SLC35F3: variants seen among roughly 807,000 people sequenced by gnomAD.
SLC35F3 encodes solute carrier family 35 member F3.
A neutral mutation model predicts 49.9 loss-of-function variants in SLC35F3; 25 were observed. The ratio of observed to expected loss-of-function variants is 0.50; its 90% CI spans 0.37 to 0.70. SLC35F3 has a LOEUF of 0.70. Ranked by LOEUF, SLC35F3 falls within the 30% of genes least tolerant of loss-of-function variation. The pLI is 0.00. For synonymous variants in SLC35F3, 275 were observed against 265.4 expected, an observed-to-expected ratio of 1.04 and a Z score of -0.35; for missense variants, 525 against 639.8, an observed-to-expected ratio of 0.82 and a Z score of 1.94.
chr1:233,993,048 T>TGCTC (rs1418676431), intron 2 of SLC35F3, among the ~76,000 whole-genome samples: 1 of 152,202 alleles, frequency 6.6e-6, no homozygotes, highest in Non-Finnish European at 1.5e-5. Flanking sequence ...ATGCTCCCTT[T>TGCTC]GCTCTTCATG....
chr1:234,163,913 C>G (rs1666270893), intron 2 of SLC35F3, among the ~76,000 whole-genome samples: 1 of 151,978 alleles, frequency 6.6e-6, no homozygotes, highest in South Asian at 2.1e-4. Flanking sequence ...AGAACTTATT[C>G]AGTAACTGTC....
chr1:234,193,417 A>C (rs553367659), intron 2 of SLC35F3, among the ~76,000 whole-genome samples: 2 of 152,272 alleles, frequency 1.3e-5, no homozygotes, highest in East Asian at 1.9e-4. Flanking sequence ...CTGAATCTTC[A>C]TCTCTCACCT....
At chr1:234,005,010 A>T (rs969525895) in intron 2 of SLC35F3, among the ~76,000 whole-genome samples, 1 of 152,212 alleles carries the variant, frequency 6.6e-6, no homozygotes, top group Non-Finnish European at 1.5e-5. Context: ...TAAGCAGGAA[A>T]TGAAAGAATT....
chr1:234,214,374 G>C lies in SLC35F3; in HGVS notation c.284-17043G>C. ...GCCGGGGAGGCCGGGACTGAGAGGG[G>C]CGAGCCGCTGGTGCTCCCCGGCGGC... On this transcript the variant is annotated intron_variant, in intron 2 of 7. Coordinates refer to ENST00000366618, the MANE Select transcript of SLC35F3 (RefSeq NM_173508.4). The surrounding 1 kb of genome is among the most constrained non-coding windows in gnomAD (Gnocchi z 8.0). 1 of 1,356,692 alleles carries C rather than the reference G, an allele frequency of 7.4e-7. No homozygotes were observed. The highest frequency in any genetic ancestry group is 1.9e-5 in the South Asian group (1 of 54,022). The allele number at this position is 1,356,692 out of a possible 1,614,324, so 84.0% of individuals were successfully genotyped here.
At chr1:234,011,566 C>G (rs1572018715) in intron 2 of SLC35F3, among the ~76,000 whole-genome samples, 1 of 152,132 alleles carries the variant, frequency 6.6e-6, no homozygotes, top group African/African-American at 2.4e-5. Context: ...CACACACACA[C>G]CCAGACTCAC....
chr1:234,032,627 G>A (rs1664081281), intron 2 of SLC35F3, among the ~76,000 whole-genome samples: 1 of 152,144 alleles, frequency 6.6e-6, no homozygotes, highest in Non-Finnish European at 1.5e-5. Context: ...CCATTCCTGG[G>A]TTACTTCACT....
chr1:234,238,128 A>G (rs762424178), intron 3 of SLC35F3, among the ~76,000 whole-genome samples: 2 of 152,224 alleles, frequency 1.3e-5, no homozygotes, highest in Non-Finnish European at 2.9e-5. Context: ...GAAAAAATTG[A>G]CAAAATATTG....
chr1:233,977,091 G>A (rs574752474), intron 2 of SLC35F3, among the ~76,000 whole-genome samples: 10 of 152,232 alleles, frequency 6.6e-5, no homozygotes, highest in South Asian at 4.1e-4. Context: ...GGGGCTCTGC[G>A]CATGCCCTTC....
chr1:233,967,976 C>T (rs1377014130), intron 2 of SLC35F3, among the ~76,000 whole-genome samples: 1 of 152,174 alleles, frequency 6.6e-6, no homozygotes, highest in Non-Finnish European at 1.5e-5. Flanking sequence ...CTGCCATAAA[C>T]CAAGTACCAC....
intron 2 of SLC35F3, among the ~76,000 whole-genome samples, chr1:234,210,349 G>A (rs978076634): frequency 5.3e-5 from 8 of 152,250 alleles, no homozygotes; most frequent in East Asian, 1.9e-4. Context: ...AAAGATACCC[G>A]AGAATATGGA....
At chr1:234,190,121 C>T (rs576058762) in intron 2 of SLC35F3, among the ~76,000 whole-genome samples, 9 of 152,266 alleles carry the variant, frequency 5.9e-5, no homozygotes, top group African/African-American at 1.7e-4. Flanking sequence ...CTCTTTAAAG[C>T]ATGGGTCTCA....
chr1:234,112,559 T>C (rs1665423723), intron 2 of SLC35F3, among the ~76,000 whole-genome samples: 1 of 141,964 alleles, frequency 7.0e-6, no homozygotes, highest in Non-Finnish European at 1.6e-5. Flanking sequence ...TCACACTCTT[T>C]TTTTTTTTTT....
chr1:233,988,002 A>G (rs1663293511), intron 2 of SLC35F3, among the ~76,000 whole-genome samples: 1 of 152,090 alleles, frequency 6.6e-6, no homozygotes. Context: ...TGCCTTCTTC[A>G]TTGATTTTGT....
chr1:234,159,561 A>AT (rs2102912695), intron 2 of SLC35F3, among the ~76,000 whole-genome samples: 2 of 152,318 alleles, frequency 1.3e-5, no homozygotes, highest in East Asian at 3.9e-4. Context: ...CAAAAAAAAA[A>AT]GAACCTATAT....
chr1:234,108,281 T>TATTTATATATATAAAAGATATA (rs1185374095), intron 2 of SLC35F3, among the ~76,000 whole-genome samples: 2,828 of 46,590 alleles, frequency 0.061, 733 homozygotes, highest in East Asian at 0.51. Context: ...AAGATATATA[T>TATTTATATATATAAAAGATATA]TATTTATATA....
At chr1:234,291,225 C>T (rs1285336056) in intron 3 of SLC35F3, among the ~76,000 whole-genome samples, 3 of 152,216 alleles carry the variant, frequency 2.0e-5, no homozygotes, top group African/African-American at 7.2e-5. Flanking sequence ...ATTGCTAGAG[C>T]AGTGCTTATC....
chr1:234,209,993 A>T (rs1384915168), intron 2 of SLC35F3, among the ~76,000 whole-genome samples: 2 of 152,188 alleles, frequency 1.3e-5, no homozygotes, highest in Non-Finnish European at 2.9e-5. Context: ...CCCAAATCTC[A>T]TCTTGAATTT....
chr1:234,124,183 T>C (rs2102894825), intron 2 of SLC35F3, among the ~76,000 whole-genome samples: 1 of 152,322 alleles, frequency 6.6e-6, no homozygotes, highest in African/African-American at 2.4e-5. Context: ...GTAGTGTCAA[T>C]GAGCAAGAAA....
Position 234,214,752 on chromosome 1 carries a change from T to C in SLC35F3, c.284-16665T>C, listed in dbSNP as rs1667096609. ...GGGGGGATCTGGCAGCTTCAGGGGCTGCCCTGAGCTCCCTGGCGAGCAGGA... is the reference window on the plus strand; with the variant it reads ...GGGGGGATCTGGCAGCTTCAGGGGCCGCCCTGAGCTCCCTGGCGAGCAGGA... On this transcript the variant is annotated intron_variant, in intron 2 of 7. Coordinates refer to ENST00000366618, the MANE Select transcript of SLC35F3 (RefSeq NM_173508.4). The surrounding 1 kb of genome is among the most constrained non-coding windows in gnomAD (Gnocchi z 8.0). 5 of 801,810 alleles carry C rather than the reference T, an allele frequency of 6.2e-6. No individual in the cohort carries two copies. The East Asian group carries it at 1.7e-4, about 27-fold the overall frequency. 49.7% of individuals were successfully genotyped at this position (801,810 alleles called of 1,614,324 possible). A position where few individuals can be genotyped will look rare whatever the true frequency, so the allele number is the denominator to read the frequency against.
Sources: allele counts gnomAD v4.1 joint callset (sites outside exome capture counted in the v4.1 genomes callset), GRCh38; gene constraint gnomAD v4.1.1; non-coding constraint Gnocchi (gnomAD v3.1); transcripts MANE v1.5; gene names NCBI Gene and HGNC (gene_info 2026-07-23, HGNC 2026-07-21).